The following EHBP1 variants were observed in gnomAD, a reference collection of about 807,000 sequenced individuals.
EHBP1 encodes EH domain-binding protein 1.
A neutral mutation model predicts 144.0 loss-of-function variants in EHBP1; 55 were observed. The ratio of observed to expected loss-of-function variants is 0.38; its 90% CI spans 0.31 to 0.48. The LOEUF is 0.48. Ranked by LOEUF, EHBP1 falls within the 20% of genes least tolerant of loss-of-function variation. The pLI is 0.98. For synonymous variants in EHBP1, 469 were observed against 472.7 expected, an observed-to-expected ratio of 0.99 and a Z score of 0.10; for missense variants, 1,200 against 1,364.2, an observed-to-expected ratio of 0.88 and a Z score of 1.90.
intron 2 of EHBP1, among the ~76,000 whole-genome samples, chr2:62,745,062 A>C (rs969984482): frequency 8.5e-5 from 13 of 152,252 alleles, no homozygotes; most frequent in African/African-American, 3.1e-4. Context: ...AGCTTGGATG[A>C]GTTGCAGAGA....
At chr2:62,876,296 C>T (rs927127899) in intron 10 of EHBP1, among the ~76,000 whole-genome samples, 3 of 152,194 alleles carry the variant, frequency 2.0e-5, no homozygotes, top group Non-Finnish European at 1.5e-5. Context: ...AGAAACCCTA[C>T]AAGCCAGAAG....
intron 7 of EHBP1, among the ~76,000 whole-genome samples, chr2:62,855,064 C>T (rs1381908573): frequency 6.6e-6 from 1 of 152,194 alleles, no homozygotes; most frequent in Non-Finnish European, 1.5e-5. Context: ...GGAGCCGTAA[C>T]CCCCCAGCAC....
intron 9 of EHBP1, among the ~76,000 whole-genome samples, chr2:62,869,929 G>A (rs868434662): frequency 1.8e-4 from 27 of 152,052 alleles, no homozygotes; most frequent in Non-Finnish European, 7.4e-5. Flanking sequence ...GGTGTGTGAC[G>A]GGAGAGATCT....
chr2:62,849,138 G>C (rs1371666340), intron 7 of EHBP1, among the ~76,000 whole-genome samples: 2 of 151,904 alleles, frequency 1.3e-5, no homozygotes, highest in African/African-American at 4.8e-5. Context: ...AAATGGAAGT[G>C]ACTATGTAAC....
intron 3 of EHBP1, among the ~76,000 whole-genome samples, chr2:62,757,099 A>G (rs2040356004): frequency 6.6e-6 from 1 of 152,154 alleles, no homozygotes; most frequent in South Asian, 2.1e-4. Flanking sequence ...GAACTCACAT[A>G]GGAGGAACAA....
intron 5 of EHBP1, among the ~76,000 whole-genome samples, chr2:62,782,099 T>G (rs536005810): frequency 1.3e-5 from 2 of 152,328 alleles, no homozygotes; most frequent in African/African-American, 4.8e-5. Flanking sequence ...TACCATTTAC[T>G]CACTCACTCA....
intron 1 of EHBP1, among the ~76,000 whole-genome samples, chr2:62,683,779 T>G (rs2033621509): frequency 6.6e-6 from 1 of 151,524 alleles, no homozygotes; most frequent in African/African-American, 2.4e-5. Flanking sequence ...CACAGATGTC[T>G]ACTTGCCTAG....
chr2:62,797,297 C>T (rs957416056), intron 5 of EHBP1, among the ~76,000 whole-genome samples: 2 of 152,152 alleles, frequency 1.3e-5, no homozygotes, highest in Non-Finnish European at 2.9e-5. Flanking sequence ...ATACTGGATG[C>T]CACACTAGAC....
chr2:62,785,105 A>G (rs2042712116), intron 5 of EHBP1, among the ~76,000 whole-genome samples: 3 of 151,966 alleles, frequency 2.0e-5, no homozygotes, highest in African/African-American at 7.3e-5. Flanking sequence ...CCTGTGAACA[A>G]CTGAAACAAG....
chr2:62,943,012 A>T, intron 11 of EHBP1, 116 bp downstream of exon 11: 2 of 747,666 alleles, frequency 2.7e-6, no homozygotes, highest in South Asian at 2.6e-5. Context: ...TTATTACCCC[A>T]CCTCTTGCTT....
chr2:62,932,186 A>G (rs552806784), intron 10 of EHBP1, among the ~76,000 whole-genome samples: 2 of 152,162 alleles, frequency 1.3e-5, no homozygotes, highest in South Asian at 2.1e-4. Context: ...AAAAAAAAAA[A>G]AAAAGAACAT....
At chr2:62,996,502 A>G (rs1381293533) in intron 18 of EHBP1, 141 bp from the exon 19 acceptor site, 37 of 974,618 alleles carry the variant, frequency 3.8e-5, no homozygotes, top group Non-Finnish European at 4.6e-5. Context: ...TTTGAATCAC[A>G]GAGAGTTGCT....
intron 5 of EHBP1, among the ~76,000 whole-genome samples, chr2:62,788,904 G>A (rs1167408413): frequency 6.6e-6 from 1 of 152,180 alleles, no homozygotes; most frequent in African/African-American, 2.4e-5. Flanking sequence ...ATAATTCTGT[G>A]TTACCATATT....
At chr2:62,687,814 G>A (rs1269576924) in intron 1 of EHBP1, among the ~76,000 whole-genome samples, 1 of 152,170 alleles carries the variant, frequency 6.6e-6, no homozygotes, top group Admixed American at 6.5e-5. Context: ...AAGAGTTAGT[G>A]TGTCCTTATA....
At chr2:62,809,278 GAGAC>G (rs2044761491) in intron 5 of EHBP1, among the ~76,000 whole-genome samples, 1 of 131,144 alleles carries the variant, frequency 7.6e-6, no homozygotes, top group Admixed American at 7.9e-5. Flanking sequence ...GCAACAGAGT[GAGAC>G]TATGTCTCAG....
intron 10 of EHBP1, among the ~76,000 whole-genome samples, chr2:62,894,399 A>G (rs976810928): frequency 1.3e-5 from 2 of 152,168 alleles, no homozygotes; most frequent in African/African-American, 4.8e-5. Context: ...AGAGGGAGAG[A>G]GAGAGAGAGA....
At chr2:62,935,503 TTC>T (rs1212079683) in intron 10 of EHBP1, among the ~76,000 whole-genome samples, 1 of 151,874 alleles carries the variant, frequency 6.6e-6, no homozygotes, top group Non-Finnish European at 1.5e-5. Flanking sequence ...AATTTTTAGT[TTC>T]TGTTTTTGTT....
At chr2:62,834,347 C>T (rs1484313788) in intron 7 of EHBP1, among the ~76,000 whole-genome samples, 12 of 152,120 alleles carry the variant, frequency 7.9e-5, no homozygotes, top group Admixed American at 7.2e-4. Flanking sequence ...TCAATTGATG[C>T]AGCAAACTTT....
At chr2:62,697,169 TGTTA>T (rs1206689462) in intron 1 of EHBP1, among the ~76,000 whole-genome samples, 1 of 152,240 alleles carries the variant, frequency 6.6e-6, no homozygotes, top group Non-Finnish European at 1.5e-5. Flanking sequence ...TTTTGGCATG[TGTTA>T]GTTTTGCATA....
Sources: allele counts gnomAD v4.1 joint callset (sites outside exome capture counted in the v4.1 genomes callset), GRCh38; gene constraint gnomAD v4.1.1; transcripts MANE v1.5; gene names NCBI Gene and HGNC (gene_info 2026-07-23, HGNC 2026-07-21).